PSG7: variants seen among roughly 807,000 people sequenced by gnomAD.
The protein encoded by PSG7 is pregnancy-specific beta-1-glycoprotein 7.
In PSG7, 57 loss-of-function variants were observed where a neutral mutation model predicts 45.6. The ratio of observed to expected loss-of-function variants is 1.25; its 90% confidence interval spans 1.01 to 1.56. PSG7 has a LOEUF of 1.56. Among genes scored for constraint, PSG7 ranks in the 40% most tolerant of loss-of-function variants. PSG7 has a pLI of 0.00. For synonymous variants in PSG7, 298 were observed against 194.4 expected, an observed-to-expected ratio of 1.53 and a Z score of -4.43; for missense variants, 796 against 508.4, an observed-to-expected ratio of 1.57 and a Z score of -5.44.
intron 2 of PSG7, among the ~76,000 whole-genome samples, chr19:42,934,557 A>G (rs1973104264): frequency 6.6e-6 from 1 of 151,640 alleles, no homozygotes; most frequent in African/African-American, 2.4e-5. Flanking sequence ...CTGTGAATAA[A>G]TGTTAAATTA....
At chr19:42,935,854 T>A in intron 1 of PSG7, 85 bp from the exon 2 acceptor site, 1 of 1,480,072 alleles carries the variant, frequency 6.8e-7, no homozygotes, top group East Asian at 2.3e-5. Context: ...AGAAGGTCTC[T>A]TCAATCCTCA....
At position 42,935,707 on chromosome 19, in the gene PSG7, G is replaced by T; in HGVS notation, c.127C>A (p.Pro43Thr). The T allele has an allele frequency of 3.1e-6, 5 of 1,611,922 alleles. No individual in the cohort carries two copies. The highest frequency in any genetic ancestry group is 4.2e-6 in the Non-Finnish European group (5 of 1,179,046). ...TAQVTIEAQP[P>T]KVSEGKDVLL... ...ACATCCTTCCCCTCGGAAACTTTTGGTGGCTGGGCTTCAATCGTGACTTGG... is the reference window on the plus strand; with the variant it reads ...ACATCCTTCCCCTCGGAAACTTTTGTTGGCTGGGCTTCAATCGTGACTTGG... Residue 43 changes from proline (P) to threonine (T), a missense_variant, in exon 2 of 6, where the codon CCA becomes ACA. Pro to Thr is a conservative substitution (Grantham distance 38). Coordinates refer to ENST00000406070, the MANE Select transcript of PSG7 (RefSeq NM_002783.3).
intron 2 of PSG7, among the ~76,000 whole-genome samples, chr19:42,933,293 A>ATTTTTTTT (rs1286434390): frequency 9.5e-5 from 1 of 10,554 alleles, no homozygotes; most frequent in African/African-American, 2.8e-4. Context: ...ATATATATAT[A>ATTTTTTTT]TATATATATA....
At chr19:42,927,964 A>T (rs1972932145) in intron 3 of PSG7, among the ~76,000 whole-genome samples, 1 of 151,738 alleles carries the variant, frequency 6.6e-6, no homozygotes, top group African/African-American at 2.4e-5. Flanking sequence ...TTACTGGTTA[A>T]GCATCCCAAA....
intron 2 of PSG7, among the ~76,000 whole-genome samples, chr19:42,930,486 G>T (rs774748854): frequency 6.6e-6 from 1 of 151,838 alleles, no homozygotes; most frequent in Non-Finnish European, 1.5e-5. Context: ...TAGAGGGCAG[G>T]TGAGGACCAT....
At chr19:42,930,655 T>A (rs1416498678) in intron 2 of PSG7, among the ~76,000 whole-genome samples, 3 of 151,678 alleles carry the variant, frequency 2.0e-5, no homozygotes, top group Non-Finnish European at 4.4e-5. Context: ...AGATACTTTC[T>A]CTCATTAGAC....
At chr19:42,933,329 T>C (rs1347474830) in intron 2 of PSG7, among the ~76,000 whole-genome samples, 2 of 109,674 alleles carry the variant, frequency 1.8e-5, no homozygotes, top group Non-Finnish European at 3.9e-5. Context: ...TTTTGGTGTA[T>C]GTATGTGTGC....
intron 3 of PSG7, chr19:42,926,977 G>A (rs1972908944): frequency 9.1e-6 from 6 of 659,072 alleles, no homozygotes; most frequent in Middle Eastern, 4.3e-4. Flanking sequence ...AGACATGTCA[G>A]TGGGAGTCAC....
intron 2 of PSG7, among the ~76,000 whole-genome samples, chr19:42,933,307 A>ATATATATATATATATATATTTTTTT (rs56691588): frequency 7.4e-5 from 1 of 13,506 alleles, no homozygotes; most frequent in Non-Finnish European, 1.6e-4. Context: ...ATATATATAT[A>ATATATATATATATATATATTTTTTT]TTTTTTTTTT....
Position 42,931,273 on chromosome 19 carries a change from C to T in PSG7, c.431-1553G>A, listed in dbSNP as rs192204472. Reference sequence around the variant, plus strand: ...GCTGGTAGTAGTATTTCTCTTGAGACGAAAATGAGGTTTAGGTGTGCCGTG... The same window carrying T: ...GCTGGTAGTAGTATTTCTCTTGAGATGAAAATGAGGTTTAGGTGTGCCGTG... On this transcript the variant is annotated intron_variant, in intron 2 of 5. Transcript: ENST00000406070. Among the ~76,000 whole-genome samples, 34 of 151,594 alleles carry T rather than the reference C, an allele frequency of 2.2e-4. 1 individual carries two copies. In the South Asian group the frequency reaches 2.3e-3, roughly 10 times the overall value.
rs10422023 is a variant in PSG7 at position 42,935,376 on chromosome 19, C to G, written c.430+28G>C. The G allele has an allele frequency of 1.2e-5, 20 of 1,609,514 alleles. 3 individuals carry two copies. The East Asian group carries it at 4.5e-4, about 36-fold the overall frequency. ...AGTAGAAATGACCCCTGCCCCCCAA[C>G]ACCCAGGGACCATGTGGAATCACTC... is the stretch of plus-strand genomic sequence containing the variant. On this transcript the variant is annotated intron_variant, in intron 2 of 5. Coordinates refer to ENST00000406070, the MANE Select transcript of PSG7 (RefSeq NM_002783.3).
At position 42,926,257 on chromosome 19, in the gene PSG7, G is replaced by C. The variant is rs1972885330; in HGVS notation, c.988+181C>G. 4.3e-6 allele frequency: 6 copies of C among 1,408,952 alleles called. No homozygotes were observed. In the East Asian group the frequency reaches 1.4e-4, roughly 34 times the overall value. 87.3% of individuals were successfully genotyped at this position (1,408,952 alleles called of 1,614,324 possible). A position where few individuals can be genotyped will look rare whatever the true frequency, so the allele number is the denominator to read the frequency against. On this transcript the variant is annotated intron_variant, in intron 4 of 5. Coordinates refer to ENST00000406070, the MANE Select transcript of PSG7 (RefSeq NM_002783.3). ...GAGCGTCCACTCCCCTTATATTCTT[G>C]GTTAAGGCTGTGCCTACCCAGGTTT...
chr19:42,931,888 T>G (rs569548212), intron 2 of PSG7, among the ~76,000 whole-genome samples: 1 of 144,112 alleles, frequency 6.9e-6, no homozygotes, highest in Non-Finnish European at 1.5e-5. Flanking sequence ...GTTGTTCCAC[T>G]TTTTTTCCCC....
chr19:42,926,333 C>G (rs537936242), intron 4 of PSG7, 105 bp downstream of exon 4: 24 of 1,561,788 alleles, frequency 1.5e-5, no homozygotes, highest in Non-Finnish European at 2.1e-5. Flanking sequence ...GTAAATATGT[C>G]TATACTTGGA....
intron 5 of PSG7, chr19:42,925,216 G>C: frequency 3.2e-6 from 1 of 311,340 alleles, no homozygotes; most frequent in Non-Finnish European, 5.9e-6. Flanking sequence ...CCCAGTCAAA[G>C]CCTTGGTAAT....
At chr19:42,927,362 A>G (rs1160771070) in intron 3 of PSG7, 1 of 157,034 alleles carries the variant, frequency 6.4e-6, no homozygotes, top group Non-Finnish European at 1.4e-5. Flanking sequence ...ACCTCTAAAG[A>G]TAGAGCAGAG....
chr19:42,934,266 C>G (rs1346989157), intron 2 of PSG7, among the ~76,000 whole-genome samples: 1 of 151,336 alleles, frequency 6.6e-6, no homozygotes, highest in Non-Finnish European at 1.5e-5. Flanking sequence ...TTCTGGAGTG[C>G]AGACTAATCA....
Position 42,935,848 on chromosome 19 carries a change from G to C in PSG7, c.65-79C>G. On this transcript the variant is annotated intron_variant, in intron 1 of 5. Transcript: ENST00000406070. ...AAGATGGGCCCCTGGGTCCTGAGAA[G>C]GTCTCTTCAATCCTCAGCCTTGAAG... The C allele has an allele frequency of 2.8e-6, 4 of 1,421,820 alleles. 1 individual carries two copies. Among genetic ancestry groups the C allele is most frequent in the South Asian group, 2.7e-5 (2 of 74,218 alleles). The allele number at this position is 1,421,820 out of a possible 1,614,324, so 88.1% of individuals were successfully genotyped here.
At chr19:42,927,727 G>A (rs1972927287) in intron 3 of PSG7, 1 of 151,582 alleles carries the variant, frequency 6.6e-6, no homozygotes, top group South Asian at 2.1e-4. Flanking sequence ...ATTCCAGAGT[G>A]AATATGAGAA....
Sources: allele counts gnomAD v4.1 joint callset (sites outside exome capture counted in the v4.1 genomes callset), GRCh38; gene constraint gnomAD v4.1.1; transcripts MANE v1.5; gene names NCBI Gene and HGNC (gene_info 2026-07-23, HGNC 2026-07-21).